LIPA: variants seen among roughly 807,000 people sequenced by gnomAD.
LIPA encodes the protein lipase A, lysosomal acid type.
A neutral mutation model predicts 40.6 loss-of-function variants in LIPA; 26 were observed. The ratio of observed to expected loss-of-function variants is 0.64; its 90% CI spans 0.47 to 0.89. LIPA has a LOEUF of 0.89. Among genes scored for constraint, LIPA ranks in the 40% least tolerant of loss-of-function variants. The probability of loss-of-function intolerance (pLI) is 0.00; values close to 1 mark genes in which losing one functional copy is unlikely to be tolerated. For missense variants in LIPA, 455 were observed against 479.6 expected (o/e 0.95, Z 0.48); for synonymous variants, 188 against 168.4 (o/e 1.12, Z -0.90).
chr10:89,300,546 T>C (rs867480860), intron 1 of LIPA, among the ~76,000 whole-genome samples: 12 of 152,242 alleles, frequency 7.9e-5, no homozygotes, highest in Middle Eastern at 3.2e-3. Context: ...TGTAAATTAT[T>C]ATACATCAAT....
chr10:89,252,867 T>C (rs1366821571), upstream of LIPA, among the ~76,000 whole-genome samples: 1 of 150,508 alleles, frequency 6.6e-6, no homozygotes, highest in Non-Finnish European at 1.5e-5. Context: ...AGGAAAGGAC[T>C]CTTATGAAGT....
chr10:89,412,361 A>G (rs1841475862), intron 2 of LIPA, among the ~76,000 whole-genome samples: 1 of 152,096 alleles, frequency 6.6e-6, no homozygotes, highest in Non-Finnish European at 1.5e-5. Context: ...AAAATGGACC[A>G]ATCAGCACTC....
intron 2 of LIPA, among the ~76,000 whole-genome samples, chr10:89,390,694 G>A (rs1340892757): frequency 7.1e-6 from 1 of 140,606 alleles, no homozygotes; most frequent in Non-Finnish European, 1.6e-5. Flanking sequence ...TTAGCCCAAA[G>A]AGACACTAAG....
At chr10:89,338,363 A>C in intron 1 of LIPA, 1 of 292,574 alleles carries the variant, frequency 3.4e-6, no homozygotes, top group Non-Finnish European at 6.5e-6. Flanking sequence ...CCAATGTCCT[A>C]GCTCAAGCAG....
chr10:89,228,429 A>G (rs1393587404), intron 3 of LIPA, 31 bp from the exon 4 acceptor site: 3 of 1,571,726 alleles, frequency 1.9e-6, no homozygotes, highest in Admixed American at 1.7e-5. Flanking sequence ...AGGAGGCAGT[A>G]GCACCAAGCT....
At chr10:89,297,391 T>C (rs1289968131) in intron 1 of LIPA, among the ~76,000 whole-genome samples, 2 of 152,054 alleles carry the variant, frequency 1.3e-5, no homozygotes, top group African/African-American at 2.4e-5. Context: ...TGTGAGACTA[T>C]AGTCATGGAA....
intron 2 of LIPA, among the ~76,000 whole-genome samples, chr10:89,371,368 A>T (rs1844090490): frequency 6.6e-6 from 1 of 152,254 alleles, no homozygotes; most frequent in Non-Finnish European, 1.5e-5. Context: ...AGTTCACATC[A>T]GAACTATAAC....
At chr10:89,241,311 T>C (rs1842962169) in intron 3 of LIPA, among the ~76,000 whole-genome samples, 1 of 152,142 alleles carries the variant, frequency 6.6e-6, no homozygotes. Context: ...CCCTACCCAA[T>C]GCGCCATCAG....
chr10:89,290,692 TGGTGAC>T (rs1843368950), intron 1 of LIPA, among the ~76,000 whole-genome samples: 1 of 152,250 alleles, frequency 6.6e-6, no homozygotes, highest in African/African-American at 2.4e-5. Context: ...ACTGAGCACC[TGGTGAC>T]CCCCACCTCT....
chr10:89,316,560 G>C (rs1219970291), intron 1 of LIPA, among the ~76,000 whole-genome samples: 2 of 152,202 alleles, frequency 1.3e-5, no homozygotes, highest in African/African-American at 4.8e-5. Context: ...GGTAAACAAA[G>C]TGGCTAGGAA....
chr10:89,225,788 T>G (rs1842761507), intron 5 of LIPA, among the ~76,000 whole-genome samples: 1 of 152,178 alleles, frequency 6.6e-6, no homozygotes, highest in Admixed American at 6.6e-5. Flanking sequence ...TGGTGGGAGA[T>G]AATTGAATCA....
At chr10:89,408,270 G>A (rs1232816950) in intron 2 of LIPA, among the ~76,000 whole-genome samples, 1 of 152,198 alleles carries the variant, frequency 6.6e-6, no homozygotes, top group South Asian at 2.1e-4. Context: ...CCTGAGGGAA[G>A]TATAAATTAC....
rs900545232 is a variant in LIPA at position 89,338,554 on chromosome 10, T to C, written c.-2+4057A>G. ...TACCCAGAAATAATGTTGGACCAAA[T>C]ATCTGGGCATCCTGTGGCCCAGTTC... On this transcript the variant is annotated intron_variant, in intron 1 of 5. Transcript: ENST00000282673. The C allele has an allele frequency of 5.6e-6, 6 of 1,062,750 alleles. 1 individual carries two copies. The Admixed American group carries it at 9.4e-5, about 17-fold the overall frequency. 65.8% of individuals were successfully genotyped at this position (1,062,750 alleles called of 1,614,324 possible). A position where few individuals can be genotyped will look rare whatever the true frequency, so the allele number is the denominator to read the frequency against.
intron 3 of LIPA, among the ~76,000 whole-genome samples, chr10:89,245,172 G>A (rs1470607048): frequency 2.0e-5 from 3 of 152,008 alleles, no homozygotes; most frequent in Admixed American, 1.3e-4. Context: ...ATGGAGGCAA[G>A]GGAAAAATAA....
chr10:89,360,740 A>G (rs1367083588), intron 2 of LIPA, among the ~76,000 whole-genome samples: 2 of 152,106 alleles, frequency 1.3e-5, no homozygotes, highest in Admixed American at 1.3e-4. Flanking sequence ...GTCAATCTCA[A>G]TGATCTTTCC....
intron 1 of LIPA, among the ~76,000 whole-genome samples, chr10:89,336,896 C>T (rs913291065): frequency 6.6e-6 from 1 of 152,220 alleles, no homozygotes; most frequent in Non-Finnish European, 1.5e-5. Context: ...GAGGGACATA[C>T]AGCCCAAGCC....
intron 1 of LIPA, among the ~76,000 whole-genome samples, chr10:89,311,623 A>G (rs1379185273): frequency 6.6e-6 from 1 of 152,142 alleles, no homozygotes; most frequent in Non-Finnish European, 1.5e-5. Flanking sequence ...TATGTATAAA[A>G]CTTTGTAATA....
chr10:89,262,314 A>C (rs1206117815), intron 1 of LIPA, among the ~76,000 whole-genome samples: 2 of 152,134 alleles, frequency 1.3e-5, no homozygotes, highest in African/African-American at 2.4e-5. Context: ...TTGAGTATCT[A>C]GTAAGGCTTC....
In LIPA at chr10:89,313,801, A is replaced by G. The variant is rs1843528063; in HGVS notation, c.-2+28810T>C. Among the ~76,000 whole-genome samples, 6 of 152,228 alleles carry G rather than the reference A, an allele frequency of 3.9e-5. No individual in the cohort carries two copies. In the South Asian group the frequency reaches 1.2e-3, roughly 31 times the overall value. ...GGCAATTTAAAAAGTCACATATTGT[A>G]TGATTCTGTTTATATGAAATGTGGA... On this transcript the variant is annotated intron_variant, in intron 1 of 5. Transcript: ENST00000282673.
Sources: gnomAD v4.1 joint callset for allele counts (sites outside exome capture counted in the v4.1 genomes callset) on GRCh38, gnomAD v4.1.1 for gene constraint, MANE v1.5 for transcripts, NCBI Gene and HGNC (gene_info 2026-07-23, HGNC 2026-07-21) for gene names.